Variants in KAT6B observed in about 807,000 individuals in gnomAD.
The protein encoded by KAT6B is lysine acetyltransferase 6B.
KAT6B carries 10 observed loss-of-function variants against 187.5 expected under a neutral mutation model. The observed-to-expected ratio is 0.05, with a 90% CI of 0.03 to 0.09. The LOEUF is 0.09. Among genes scored for constraint, KAT6B ranks in the 10% least tolerant of loss-of-function variants. The pLI, the probability that KAT6B is intolerant of heterozygous loss-of-function variation, is 1.00. For missense variants in KAT6B, 1,952 were observed against 2,558.9 expected, an observed-to-expected ratio of 0.76 and a Z score of 5.12; for synonymous variants, 861 against 926.8, an observed-to-expected ratio of 0.93 and a Z score of 1.29.
intron 3 of KAT6B, among the ~76,000 whole-genome samples, chr10:74,948,210 T>C (rs565436321): frequency 6.6e-6 from 1 of 152,342 alleles, no homozygotes; most frequent in African/African-American, 2.4e-5. Flanking sequence ...CAGAGGGCAA[T>C]TGAGAATTAA....
At chr10:74,856,069 C>T (rs1842801105) in intron 3 of KAT6B, among the ~76,000 whole-genome samples, 1 of 152,104 alleles carries the variant, frequency 6.6e-6, no homozygotes, top group Admixed American at 6.6e-5. Flanking sequence ...CCCCAAATGG[C>T]CCCAAAATCT....
At chr10:74,967,387 A>T (rs1841556055) in intron 4 of KAT6B, among the ~76,000 whole-genome samples, 1 of 152,222 alleles carries the variant, frequency 6.6e-6, no homozygotes, top group Admixed American at 6.5e-5. Context: ...GAAATCGCTA[A>T]ACCAGAGGTA....
intron 4 of KAT6B, among the ~76,000 whole-genome samples, chr10:74,963,507 A>C (rs1841244900): frequency 1.3e-5 from 2 of 152,192 alleles, no homozygotes; most frequent in African/African-American, 4.8e-5. Flanking sequence ...GGTGAGTGAG[A>C]GAAATCCCTT....
intron 1 of KAT6B, among the ~76,000 whole-genome samples, chr10:74,833,294 T>C (rs1841019794): frequency 6.6e-6 from 1 of 152,142 alleles, no homozygotes; most frequent in South Asian, 2.1e-4. Context: ...TAAATTTAGT[T>C]GATTATTTCT....
At position 74,975,810 on chromosome 10, in the gene KAT6B, T is replaced by G; in HGVS notation, c.1473T>G (p.Pro491=). The part of the protein sequence containing the change: ...TGTTQKLKPP[P]SSLPPPTPIS... Reference sequence around the variant, plus strand: ...CCACACAAAAGCTAAAACCTCCACCTTCTTCACTTCCACCCCCAACCCCCA... The same window carrying G: ...CCACACAAAAGCTAAAACCTCCACCGTCTTCACTTCCACCCCCAACCCCCA... Residue 491 remains proline (P), a synonymous_variant, in exon 8 of 18, where the codon CCT becomes CCG. Transcript: ENST00000287239. The G allele has an allele frequency of 6.2e-7, 1 of 1,614,124 alleles. No homozygotes were observed. Among genetic ancestry groups the G allele is most frequent in the Non-Finnish European group, 8.5e-7 (1 of 1,180,016 alleles).
chr10:74,861,176 C>A (rs1164780471), intron 3 of KAT6B, among the ~76,000 whole-genome samples: 4 of 151,768 alleles, frequency 2.6e-5, no homozygotes, highest in African/African-American at 9.7e-5. Flanking sequence ...GTGACACACA[C>A]CTGTAATCCC....
chr10:74,994,907 G>A (rs770083702), intron 13 of KAT6B, among the ~76,000 whole-genome samples: 141 of 152,126 alleles, frequency 9.3e-4, no homozygotes, highest in Non-Finnish European at 1.4e-3. Context: ...ACAGAGCTAG[G>A]ATAGCATGCA....
chr10:74,929,380 G>A (rs1281606937), intron 3 of KAT6B, among the ~76,000 whole-genome samples: 1 of 152,042 alleles, frequency 6.6e-6, no homozygotes, highest in African/African-American at 2.4e-5. Flanking sequence ...ATGCTCTTGC[G>A]TACAGTGAAA....
chr10:74,930,343 G>T (rs557946704), intron 3 of KAT6B, among the ~76,000 whole-genome samples: 1 of 152,174 alleles, frequency 6.6e-6, no homozygotes, highest in Non-Finnish European at 1.5e-5. Context: ...TTAAAGTTGG[G>T]TGTACCCAAT....
At chr10:74,862,368 T>C (rs1440733301) in intron 3 of KAT6B, among the ~76,000 whole-genome samples, 1 of 152,164 alleles carries the variant, frequency 6.6e-6, no homozygotes, top group African/African-American at 2.4e-5. Context: ...CCTCCTCTCC[T>C]TCAGCAGGTC....
intron 6 of KAT6B, 75 bp from the exon 7 acceptor site, chr10:74,972,432 A>G: frequency 8.8e-7 from 1 of 1,139,750 alleles, no homozygotes. Context: ...AGCTTATTAC[A>G]GCTACAACTT....
chr10:74,889,467 G>A (rs1257179926), intron 3 of KAT6B, among the ~76,000 whole-genome samples: 1 of 152,156 alleles, frequency 6.6e-6, no homozygotes, highest in Non-Finnish European at 1.5e-5. Flanking sequence ...AGGTCCAAGA[G>A]AAGGGAGGAG....
At position 75,029,990 on chromosome 10, in the gene KAT6B, C is replaced by A; in HGVS notation, c.5166C>A (p.Thr1722=). The A allele has an allele frequency of 6.2e-7, 1 of 1,614,172 alleles. No individual in the cohort carries two copies. The highest frequency in any genetic ancestry group is 8.5e-7 in the Non-Finnish European group (1 of 1,180,028). ...SSLTQSSCAV[T]QQMSNISGSC... ...TGACACAGAGCAGCTGTGCTGTCAC[C>A]CAGCAGATGTCCAACATCAGCGGGA... The change falls in exon 18 of 18, where the codon ACC becomes ACA. Residue 1722 remains threonine, a synonymous_variant. Transcript: ENST00000287239. The surrounding 1 kb of genome is among the most constrained non-coding windows in gnomAD (Gnocchi z 6.2).
At chr10:74,938,453 G>A (rs1849420843) in intron 3 of KAT6B, among the ~76,000 whole-genome samples, 1 of 152,080 alleles carries the variant, frequency 6.6e-6, no homozygotes, top group Non-Finnish European at 1.5e-5. Flanking sequence ...CAGGTAATTG[G>A]AAAGAAGAGA....
intron 1 of KAT6B, chr10:74,827,216 G>C (rs1415048291): frequency 2.0e-5 from 3 of 153,074 alleles, no homozygotes; most frequent in Non-Finnish European, 4.4e-5. Context: ...GGAGAGTTAG[G>C]GAGGGATGCA....
chr10:74,975,143 T>C (rs959196096), intron 7 of KAT6B, among the ~76,000 whole-genome samples: 1 of 152,206 alleles, frequency 6.6e-6, no homozygotes, highest in African/African-American at 2.4e-5. Context: ...CTTCAGCATT[T>C]TTCTTGCTTA....
Position 74,975,977 on chromosome 10 carries a change from T to C in KAT6B, c.1640T>C (p.Leu547Pro). 6.2e-7 allele frequency: 1 copy of C among 1,614,172 alleles called. No individual in the cohort carries two copies. Among genetic ancestry groups the C allele is most frequent in the Non-Finnish European group, 8.5e-7 (1 of 1,180,036 alleles). ...CAGCTGAAGGCACTCTTTGATGGGC[T>C]TTCTCATATCTATACCACTCAGGGA... ...NSQLKALFDG[L>P]SHIYTTQGQS... The change falls in exon 8 of 18, where the codon CTT becomes CCT. Residue 547 changes from leucine (L) to proline (P), a missense_variant. Leu to Pro is a moderately conservative substitution (Grantham distance 98). Transcript: ENST00000287239.
chr10:75,030,269 C>T lies in KAT6B; in HGVS notation c.5445C>T (p.Phe1815=). The change falls in exon 18 of 18, where the codon TTC becomes TTT. Residue 1815 remains phenylalanine, a synonymous_variant. Transcript: ENST00000287239. The surrounding 1 kb of genome is among the most constrained non-coding windows in gnomAD (Gnocchi z 4.8). ...ATTACCCGCAGCCGTCAGCCACCTT[C>T]AGCCTTGCCAAACTGCAGCAGTTAA... ...AGHYPQPSAT[F]SLAKLQQLTN... is the part of the protein sequence containing the mutation. The T allele has an allele frequency of 1.2e-6, 2 of 1,614,266 alleles. No individual in the cohort carries two copies. Among genetic ancestry groups the T allele is most frequent in the South Asian group, 2.2e-5 (2 of 91,088 alleles).
chr10:74,870,331 C>G (rs1383179814), intron 3 of KAT6B, among the ~76,000 whole-genome samples: 1 of 151,982 alleles, frequency 6.6e-6, no homozygotes, highest in South Asian at 2.1e-4. Context: ...AATATGAGAC[C>G]ATGAGACCTA....
Sources: allele counts gnomAD v4.1 joint callset (sites outside exome capture counted in the v4.1 genomes callset), GRCh38; gene constraint gnomAD v4.1.1; non-coding constraint Gnocchi (gnomAD v3.1); transcripts MANE v1.5; gene names NCBI Gene and HGNC (gene_info 2026-07-23, HGNC 2026-07-21).